Variants in RAPGEF6 observed in about 807,000 individuals in gnomAD.
RAPGEF6 encodes the protein PDZ domain containing guanine nucleotide exchange factor (GEF) 2.
Under a neutral mutation model 171.4 loss-of-function variants are expected in RAPGEF6, and 56 were observed. That is an observed-to-expected ratio of 0.33 (90% CI 0.26 to 0.41). The LOEUF is 0.41. Among genes scored for constraint, RAPGEF6 ranks in the 10% least tolerant of loss-of-function variants. RAPGEF6 has a pLI of 1.00. For missense variants in RAPGEF6, 1,674 were observed against 1,921.4 expected (o/e 0.87, Z 2.41); for synonymous variants, 692 against 650.1 (o/e 1.06, Z -0.98).
intron 4 of RAPGEF6, among the ~76,000 whole-genome samples, chr5:131,577,819 C>G (rs28843448): frequency 0.073 from 11,183 of 152,218 alleles, 844 homozygotes; most frequent in African/African-American, 0.19. Context: ...CTTAAACTCA[C>G]TCGCATTTCT....
At chr5:131,589,259 T>C (rs1763447907) in intron 4 of RAPGEF6, among the ~76,000 whole-genome samples, 2 of 152,216 alleles carry the variant, frequency 1.3e-5, no homozygotes, top group Non-Finnish European at 2.9e-5. Flanking sequence ...TGTGTCCCAT[T>C]ATAGAAACAA....
Position 131,425,916 on chromosome 5 carries a change from CAG to C in RAPGEF6, c.*1348_*1349del, listed in dbSNP as rs1554068748. On this transcript the variant is annotated 3_prime_UTR_variant, in exon 28 of 28. Coordinates refer to ENST00000509018, the MANE Select transcript of RAPGEF6 (RefSeq NM_016340.6). The stretch of plus-strand genomic sequence containing the variant: ...TTTTTTTTTTTTTTTTTGGTAATTA[CAG>C]AAGTTTATTAAAATTTCACTTGCTT... 2 of 75,490 alleles carry C rather than the reference CAG, an allele frequency of 2.6e-5. No individual in the cohort carries two copies. Among genetic ancestry groups the C allele is most frequent in the Non-Finnish European group, 4.8e-5 (2 of 42,076 alleles). 4.7% of individuals were successfully genotyped at this position (75,490 alleles called of 1,614,324 possible).
intron 11 of RAPGEF6, among the ~76,000 whole-genome samples, chr5:131,502,420 T>C (rs1488947434): frequency 6.6e-6 from 1 of 152,208 alleles, no homozygotes; most frequent in Admixed American, 6.5e-5. Flanking sequence ...ATGATGACTT[T>C]ACACTGAAGA....
At chr5:131,534,828 T>C (rs1378919733) in intron 6 of RAPGEF6, among the ~76,000 whole-genome samples, 1 of 151,986 alleles carries the variant, frequency 6.6e-6, no homozygotes, top group Non-Finnish European at 1.5e-5. Flanking sequence ...GATTCAAGAA[T>C]ACCAAGAATT....
At chr5:131,546,288 G>A in intron 6 of RAPGEF6, among the ~76,000 whole-genome samples, 1 of 152,104 alleles carries the variant, frequency 6.6e-6, no homozygotes, top group Middle Eastern at 3.4e-3. Flanking sequence ...GGCATACATT[G>A]TACTTAGCAC....
chr5:131,542,929 T>C (rs1157285957), intron 6 of RAPGEF6, among the ~76,000 whole-genome samples: 1 of 152,232 alleles, frequency 6.6e-6, no homozygotes, highest in Non-Finnish European at 1.5e-5. Flanking sequence ...AGATCTGTGC[T>C]GTCCAACTAG....
chr5:131,441,295 C>T (rs1044589178), intron 23 of RAPGEF6, among the ~76,000 whole-genome samples: 6 of 152,250 alleles, frequency 3.9e-5, no homozygotes, highest in Admixed American at 1.3e-4. Flanking sequence ...ATTAGTAAAG[C>T]ACAATTTGAA....
At chr5:131,564,064 T>G (rs1362074211) in intron 4 of RAPGEF6, among the ~76,000 whole-genome samples, 3 of 152,148 alleles carry the variant, frequency 2.0e-5, no homozygotes, top group Non-Finnish European at 4.4e-5. Context: ...CTAAGATGAC[T>G]CTTGCAATAC....
intron 25 of RAPGEF6, 94 bp downstream of exon 25, chr5:131,433,336 C>A (rs1751823335): frequency 2.0e-6 from 2 of 1,020,838 alleles, no homozygotes; most frequent in Admixed American, 1.9e-5. Flanking sequence ...TCTGCAATTA[C>A]CCCATGGGAG....
intron 1 of RAPGEF6, among the ~76,000 whole-genome samples, chr5:131,614,840 T>A (rs1370633614): frequency 1.3e-5 from 2 of 152,226 alleles, no homozygotes; most frequent in Non-Finnish European, 2.9e-5. Flanking sequence ...CAAGTCTGGT[T>A]TTCCAGTATT....
intron 23 of RAPGEF6, chr5:131,439,940 T>A (rs1384574688): frequency 1.5e-5 from 11 of 716,474 alleles, no homozygotes; most frequent in African/African-American, 1.8e-5. Flanking sequence ...CCAGATTATA[T>A]TAGTTTGTCT....
chr5:131,547,752 G>A (rs547006796), intron 6 of RAPGEF6, among the ~76,000 whole-genome samples: 127 of 151,676 alleles, frequency 8.4e-4, no homozygotes, highest in African/African-American at 2.8e-3. Flanking sequence ...CTTGTGATCC[G>A]CCCGCCTAGG....
chr5:131,575,880 A>G (rs893824673), intron 4 of RAPGEF6, among the ~76,000 whole-genome samples: 10 of 152,100 alleles, frequency 6.6e-5, no homozygotes, highest in African/African-American at 2.4e-4. Context: ...CCTCATGTCT[A>G]CGTGCAGTGG....
At chr5:131,472,370 C>A (rs1042999264) in intron 17 of RAPGEF6, 12 of 633,386 alleles carry the variant, frequency 1.9e-5, no homozygotes, top group Non-Finnish European at 3.1e-5. Flanking sequence ...TGCGCCTGGC[C>A]AGAGGTAGTC....
rs542180455 is a variant in RAPGEF6 at position 131,440,930 on chromosome 5, C to T, written c.3611-1215G>A. ...TCATTTCCATAGCCACCAAACTAGT[C>T]CAGGCCCTGGGCAACTTCCAGTTAA... is the stretch of plus-strand genomic sequence containing the variant. On this transcript the variant is annotated intron_variant, in intron 23 of 27. Transcript: ENST00000509018. Among the ~76,000 whole-genome samples the T allele has an allele frequency of 4.6e-5, 7 of 152,200 alleles. No individual in the cohort carries two copies. In the East Asian group the frequency reaches 1.4e-3, roughly 29 times the overall value.
At chr5:131,551,251 C>T (rs1369084523) in intron 5 of RAPGEF6, among the ~76,000 whole-genome samples, 5 of 152,096 alleles carry the variant, frequency 3.3e-5, no homozygotes, top group East Asian at 1.9e-4. Context: ...GGGTGGCTCA[C>T]GCCTGTAATC....
intron 24 of RAPGEF6, chr5:131,436,042 C>T (rs1017950810): frequency 2.0e-6 from 3 of 1,536,654 alleles, no homozygotes; most frequent in Admixed American, 2.0e-5. Flanking sequence ...GAAGATGGCA[C>T]TCCCTTTCTC....
intron 21 of RAPGEF6, chr5:131,447,515 C>G (rs1337002942): frequency 2.0e-5 from 3 of 152,202 alleles, no homozygotes; most frequent in African/African-American, 7.2e-5. Flanking sequence ...GACTGCACAT[C>G]TAGAACCAAT....
Position 131,565,635 on chromosome 5 carries a change from T to C in RAPGEF6, c.282-3588A>G, listed in dbSNP as rs187624600. ...TAGAATACTCAAGACAATGTGGTAT[T>C]TGATCAACTTATAGATCAATAAAAC... On this transcript the variant is annotated intron_variant, in intron 4 of 27. Transcript: ENST00000509018. 9.2e-5 allele frequency among the ~76,000 whole-genome samples: 14 copies of C among 152,302 alleles called. No homozygotes were observed. The East Asian group carries it at 2.5e-3, about 27-fold the overall frequency.
Sources: gnomAD v4.1 joint callset for allele counts (sites outside exome capture counted in the v4.1 genomes callset) on GRCh38, gnomAD v4.1.1 for gene constraint, MANE v1.5 for transcripts, NCBI Gene and HGNC (gene_info 2026-07-23, HGNC 2026-07-21) for gene names.